TENM1: variants seen among roughly 807,000 people sequenced by gnomAD.
TENM1 encodes the protein teneurin transmembrane protein 1, also known as teneurin-1.
In TENM1, 35 loss-of-function variants were observed where a neutral mutation model predicts 174.8. The observed-to-expected ratio is 0.20, with a 90% CI of 0.15 to 0.27. The LOEUF (loss-of-function observed/expected upper bound fraction) is 0.27. TENM1 is among the 10% of genes least tolerant of loss of function. TENM1 has a pLI of 1.00. For missense variants in TENM1, 1,633 were observed against 2,130.1 expected, an observed-to-expected ratio of 0.77 and a Z score of 4.59; for synonymous variants, 781 against 798.7, an observed-to-expected ratio of 0.98 and a Z score of 0.37.
the TENM1 span, among the ~76,000 whole-genome samples, chrX:125,012,871 G>GAGT: frequency 8.9e-6 from 1 of 111,978 alleles, no homozygotes; most frequent in Admixed American, 9.5e-5. Flanking sequence ...CTAGTCGGTT[G>GAGT]AGTAACAGGG....
the TENM1 span, among the ~76,000 whole-genome samples, chrX:125,177,355 C>G: frequency 8.9e-6 from 1 of 112,007 alleles, no homozygotes; most frequent in Admixed American, 9.4e-5. Flanking sequence ...ACAGTTTCAT[C>G]TGACATATGT....
the TENM1 span, among the ~76,000 whole-genome samples, chrX:125,101,055 G>C: frequency 0.19 from 21,105 of 110,504 alleles, 1,929 homozygotes; most frequent in African/African-American, 0.34. Context: ...TTTAAATCCA[G>C]GTAATGGTAC....
chrX:125,182,459 G>A, the TENM1 span, among the ~76,000 whole-genome samples: 1 of 86,958 alleles, frequency 1.1e-5, no homozygotes, highest in Non-Finnish European at 2.3e-5. Flanking sequence ...CGGGCGGGGG[G>A]GGGGGCATTT....
At chrX:124,674,335 T>C (rs1172798742) in intron 5 of TENM1, among the ~76,000 whole-genome samples, 1 of 83,759 alleles carries the variant, frequency 1.2e-5, no homozygotes, top group African/African-American at 4.7e-5. Context: ...AAAAAGTGAA[T>C]CTGCTCATAA....
intron 22 of TENM1, among the ~76,000 whole-genome samples, chrX:124,465,147 C>G (rs1180030432): frequency 8.9e-6 from 1 of 112,406 alleles, no homozygotes; most frequent in Admixed American, 9.4e-5. Context: ...CTGAGCTGCT[C>G]ATGTCAGTGG....
intron 11 of TENM1, among the ~76,000 whole-genome samples, chrX:124,605,084 C>T (rs2050120016): frequency 9.4e-6 from 1 of 106,034 alleles, no homozygotes; most frequent in African/African-American, 3.4e-5. Context: ...GCTGCAAGGA[C>T]TACTGTGAAG....
chrX:124,705,938 G>A (rs962777969), intron 4 of TENM1, among the ~76,000 whole-genome samples: 4 of 111,494 alleles, frequency 3.6e-5, no homozygotes, highest in Admixed American at 1.9e-4. Context: ...ATGGAATCTC[G>A]CTCTGTCACC....
chrX:124,941,941 A>G (rs761908127), intron 1 of TENM1, among the ~76,000 whole-genome samples: 1 of 111,605 alleles, frequency 9.0e-6, no homozygotes, highest in East Asian at 2.8e-4. Context: ...GCCAAGTGAA[A>G]GGGTTTTCCT....
the TENM1 span, among the ~76,000 whole-genome samples, chrX:125,014,896 T>C: frequency 1.8e-5 from 2 of 112,020 alleles, no homozygotes; most frequent in African/African-American, 3.2e-5. Context: ...TAAGCTTTTA[T>C]GTATATCAAA....
At chrX:124,675,667 C>A (rs753552842) in intron 5 of TENM1, among the ~76,000 whole-genome samples, 1 of 103,849 alleles carries the variant, frequency 9.6e-6, no homozygotes, top group Non-Finnish European at 2.0e-5. Flanking sequence ...CCTCCCAGAA[C>A]TTACATGAGA....
At chrX:124,958,761 C>T (rs1260683793) in intron 1 of TENM1, among the ~76,000 whole-genome samples, 2 of 111,470 alleles carry the variant, frequency 1.8e-5, no homozygotes, top group Admixed American at 1.9e-4. Context: ...GATAATAGCG[C>T]ATACCTCATC....
chrX:124,450,871 C>G (rs964847648), intron 23 of TENM1, among the ~76,000 whole-genome samples: 1 of 112,102 alleles, frequency 8.9e-6, no homozygotes, highest in African/African-American at 3.2e-5. Context: ...GGCATCTTTG[C>G]CTATCTTTGG....
At chrX:124,586,378 T>C (rs1408817792) in intron 11 of TENM1, among the ~76,000 whole-genome samples, 2 of 106,691 alleles carry the variant, frequency 1.9e-5, no homozygotes, top group Non-Finnish European at 3.9e-5. Context: ...CAAGGCTGGT[T>C]CAATATACGC....
At chrX:125,158,605 A>G in the TENM1 span, among the ~76,000 whole-genome samples, 2 of 110,121 alleles carry the variant, frequency 1.8e-5, no homozygotes, top group East Asian at 5.7e-4. Context: ...TGTCCCTCAA[A>G]GTAATTTTTG....
At chrX:125,157,360 C>G in the TENM1 span, among the ~76,000 whole-genome samples, 3 of 111,957 alleles carry the variant, frequency 2.7e-5, no homozygotes, top group Non-Finnish European at 5.6e-5. Flanking sequence ...GTCAATCACC[C>G]CAATATGCAA....
rs190190370 is a variant in TENM1 at position 124,904,903 on chromosome X, T to C, written c.218-8662A>G. ...ATTCTCATCAACCAGTTTCATGCCA[T>C]ATCCCAGATAGAATTTATCATCTCA... is the stretch of plus-strand genomic sequence containing the variant. On this transcript the variant is annotated intron_variant, in intron 1 of 31. Transcript: ENST00000422452. 3.6e-5 allele frequency among the ~76,000 whole-genome samples: 4 copies of C among 112,091 alleles called. No individual in the cohort carries two copies. The East Asian group carries it at 8.4e-4, about 23-fold the overall frequency.
At chrX:124,422,553 A>T in exon 24 of TENM1, 1 of 1,211,144 alleles carries the variant, frequency 8.3e-7, no homozygotes, top group Non-Finnish European at 1.1e-6. Context: ...GTTCTCAGAA[A>T]TTTGCAGCAC....
chrX:124,956,557 T>C (rs935681438), intron 1 of TENM1, among the ~76,000 whole-genome samples: 4 of 112,179 alleles, frequency 3.6e-5, no homozygotes, highest in African/African-American at 9.7e-5. Context: ...AGATGCTGTG[T>C]AAGTAAATAC....
At chrX:124,835,192 T>C (rs1336622749) in intron 3 of TENM1, among the ~76,000 whole-genome samples, 1 of 112,290 alleles carries the variant, frequency 8.9e-6, no homozygotes, top group Non-Finnish European at 1.9e-5. Flanking sequence ...GGCCAACTTC[T>C]GTCTGTCCTT....
Sources: gnomAD v4.1 joint callset for allele counts (sites outside exome capture counted in the v4.1 genomes callset) on GRCh38, gnomAD v4.1.1 for gene constraint, MANE v1.5 for transcripts, NCBI Gene and HGNC (gene_info 2026-07-23, HGNC 2026-07-21) for gene names.